KALRN: variants seen among roughly 807,000 people sequenced by gnomAD.
KALRN encodes kalirin.
Under a neutral mutation model 353.7 loss-of-function variants are expected in KALRN, and 70 were observed. That is an observed-to-expected ratio of 0.20 (90% confidence interval 0.16 to 0.24). The LOEUF is 0.24. Among genes scored for constraint, KALRN ranks in the 10% least tolerant of loss-of-function variants. KALRN has a pLI of 1.00. For synonymous variants in KALRN, 1,391 were observed against 1,434.8 expected (o/e 0.97, Z 0.69); for missense variants, 2,791 against 3,756.7 (o/e 0.74, Z 6.72).
At chr3:124,053,841 G>A (rs780502567) in intron 1 of KALRN, among the ~76,000 whole-genome samples, 2 of 152,228 alleles carry the variant, frequency 1.3e-5, no homozygotes, top group East Asian at 3.9e-4. Flanking sequence ...CCTAGCAGAA[G>A]TGTTCCCTTT....
At chr3:124,671,432 C>T (rs1201078278) in intron 47 of KALRN, among the ~76,000 whole-genome samples, 1 of 152,204 alleles carries the variant, frequency 6.6e-6, no homozygotes, top group African/African-American at 2.4e-5. Context: ...ATTACAGAGC[C>T]TTCTCTCTCT....
chr3:124,637,527 A>C (rs2149901464), intron 37 of KALRN, among the ~76,000 whole-genome samples: 1 of 152,334 alleles, frequency 6.6e-6, no homozygotes, highest in South Asian at 2.1e-4. Context: ...TGTTGATGAA[A>C]GTTGAAAACT....
chr3:124,139,285 TG>T (rs2066328485), intron 1 of KALRN, among the ~76,000 whole-genome samples: 1 of 152,146 alleles, frequency 6.6e-6, no homozygotes, highest in African/African-American at 2.4e-5. Context: ...GCTGAATGGG[TG>T]GGTGCTCATG....
At chr3:124,355,707 A>ATTTTTTTTTTT (rs1321114015) in intron 10 of KALRN, among the ~76,000 whole-genome samples, 1 of 87,410 alleles carries the variant, frequency 1.1e-5, no homozygotes, top group African/African-American at 4.2e-5. Flanking sequence ...ACTCTCTCCC[A>ATTTTTTTTTTT]TCTTTTTTTT....
chr3:124,603,646 A>G (rs2077032791), intron 34 of KALRN, among the ~76,000 whole-genome samples: 1 of 152,162 alleles, frequency 6.6e-6, no homozygotes, highest in African/African-American at 2.4e-5. Context: ...TTTGAAATGG[A>G]GCATCTCTCC....
intron 1 of KALRN, among the ~76,000 whole-genome samples, chr3:124,116,319 A>G (rs992026148): frequency 1.3e-5 from 2 of 152,216 alleles, no homozygotes; most frequent in Non-Finnish European, 2.9e-5. Flanking sequence ...CCTGTTGATA[A>G]TGGTTGTATT....
Position 124,395,295 on chromosome 3 carries a change from A to G in KALRN, c.2123A>G (p.Gln708Arg). The G allele has an allele frequency of 6.2e-7, 1 of 1,613,722 alleles. No individual in the cohort carries two copies. The highest frequency in any genetic ancestry group is 8.5e-7 in the Non-Finnish European group (1 of 1,179,960). ...NVIKEGEDLI[Q>R]QLRSAPPSLG... ...ATCAAGGAAGGCGAAGACCTTATCC[A>G]GCAGCTCAGGTCAGCGCCTCCCTCC... Residue 708 changes from glutamine (Q) to arginine (R), a missense_variant, in exon 12 of 60, where the codon CAG becomes CGG. Physicochemically the swap from Gln to Arg is conservative, Grantham distance 43. This residue lies in a region of KALRN where 452 missense variants were observed against 575.8 expected (regional missense o/e 0.78). Coordinates refer to ENST00000682506, the MANE Select transcript of KALRN (RefSeq NM_001388419.1).
intron 1 of KALRN, among the ~76,000 whole-genome samples, chr3:124,180,366 C>T (rs2073403292): frequency 6.6e-6 from 1 of 152,186 alleles, no homozygotes; most frequent in African/African-American, 2.4e-5. Context: ...CCCAGAGTTC[C>T]TCTGCCATGT....
At position 124,679,524 on chromosome 3, in the gene KALRN, G is replaced by C; in HGVS notation, c.7377+7G>C. 15 of 1,611,582 alleles carry C rather than the reference G, an allele frequency of 9.3e-6. No homozygotes were observed. Among genetic ancestry groups the C allele is most frequent in the Non-Finnish European group, 1.3e-5 (15 of 1,177,590 alleles). On this transcript the variant is annotated splice_region_variant and intron_variant, in intron 51 of 59. Transcript: ENST00000682506. ...CCCTAATACTAGCATGGAGGTAGAA[G>C]CAGCTATTGTTGTCCTATTTCCTAC...
At position 124,469,637 on chromosome 3, in the gene KALRN, A is replaced by G. The variant is rs538987423; in HGVS notation, c.4032-5026A>G. ...AATGTCCTGGACTTCCTATAAATACATGAACCTCACACCTTTCTCCCCACC... is the reference window on the plus strand; with the variant it reads ...AATGTCCTGGACTTCCTATAAATACGTGAACCTCACACCTTTCTCCCCACC... On this transcript the variant is annotated intron_variant, in intron 25 of 59. Coordinates refer to ENST00000682506, the MANE Select transcript of KALRN (RefSeq NM_001388419.1). Among the ~76,000 whole-genome samples the G allele has an allele frequency of 6.1e-4, 93 of 152,260 alleles. 1 individual carries two copies. The highest frequency in any genetic ancestry group is 2.2e-3 in the African/African-American group (91 of 41,550).
At chr3:124,718,607 A>G (rs1379124015) in intron 59 of KALRN, among the ~76,000 whole-genome samples, 1 of 152,216 alleles carries the variant, frequency 6.6e-6, no homozygotes, top group Non-Finnish European at 1.5e-5. Context: ...CATGCTTCTC[A>G]AAAAGAAGCC....
At chr3:124,408,315 A>G (rs181724197) in intron 13 of KALRN, among the ~76,000 whole-genome samples, 344 of 152,312 alleles carry the variant, frequency 2.3e-3, no homozygotes, top group African/African-American at 8.1e-3. Context: ...TAAAACTGGC[A>G]CTTTTCTGAA....
Position 124,413,516 on chromosome 3 carries a change from T to C in KALRN, c.2393T>C (p.Met798Thr), listed in dbSNP as rs2150267081. Residue 798 changes from methionine to threonine, a missense_variant, in exon 14 of 60, where the codon ATG (methionine) becomes ACG (threonine). Coordinates refer to ENST00000682506, the MANE Select transcript of KALRN (RefSeq NM_001388419.1). ...TGGAATGAAGACTTGCTTCGGCAGA[T>C]GAATGACTTCAACACAGAGGACCTA... is the stretch of plus-strand genomic sequence containing the variant. The part of the protein sequence containing the change: ...DAWNEDLLRQ[M>T]NDFNTEDLTL... 1 of 1,614,144 alleles carries C rather than the reference T, an allele frequency of 6.2e-7. No homozygotes were observed. Among genetic ancestry groups the C allele is most frequent in the East Asian group, 2.2e-5 (1 of 44,864 alleles).
At chr3:124,318,423 T>C (rs1369990129) in intron 6 of KALRN, among the ~76,000 whole-genome samples, 1 of 152,206 alleles carries the variant, frequency 6.6e-6, no homozygotes, top group Non-Finnish European at 1.5e-5. Flanking sequence ...GGACAGTTCT[T>C]ATTCCAGATG....
intron 47 of KALRN, 106 bp downstream of exon 47, chr3:124,667,289 T>G: frequency 2.1e-6 from 2 of 957,660 alleles, no homozygotes; most frequent in Non-Finnish European, 3.0e-6. Flanking sequence ...AGATCACATT[T>G]TATAGGTACT....
chr3:124,364,924 T>C (rs1356616903), intron 10 of KALRN, among the ~76,000 whole-genome samples: 1 of 152,208 alleles, frequency 6.6e-6, no homozygotes, highest in Non-Finnish European at 1.5e-5. Context: ...GCCATTCCCT[T>C]TCCTAGTAGA....
intron 13 of KALRN, among the ~76,000 whole-genome samples, chr3:124,404,559 G>A (rs557237501): frequency 6.7e-6 from 1 of 149,576 alleles, no homozygotes; most frequent in South Asian, 2.1e-4. Flanking sequence ...AAAGCTCCTG[G>A]TTGTCATTTG....
intron 10 of KALRN, among the ~76,000 whole-genome samples, chr3:124,356,577 C>A (rs941854773): frequency 2.0e-5 from 3 of 152,136 alleles, no homozygotes; most frequent in Admixed American, 6.5e-5. Context: ...CAGGTGATTG[C>A]CCACCTTGGC....
chr3:124,399,259 C>T (rs2090557957), intron 13 of KALRN, among the ~76,000 whole-genome samples: 1 of 152,204 alleles, frequency 6.6e-6, no homozygotes, highest in South Asian at 2.1e-4. Context: ...CTGCCTCAGC[C>T]TCCCGAATAG....
Sources: gnomAD v4.1 joint callset for allele counts (sites outside exome capture counted in the v4.1 genomes callset) on GRCh38, gnomAD v4.1.1 for gene constraint, gnomAD v4.1.1 regional missense constraint, MANE v1.5 for transcripts, NCBI Gene and HGNC (gene_info 2026-07-23, HGNC 2026-07-21) for gene names.